Variants in SLA2 observed in about 807,000 individuals in gnomAD.
SLA2 encodes Src like adaptor 2, also known as src-like-adapter 2.
SLA2 carries 22 observed loss-of-function variants against 27.3 expected under a neutral mutation model. That is an observed-to-expected ratio of 0.81 (90% CI 0.58 to 1.15). The LOEUF is 1.15. Among genes scored for constraint, SLA2 ranks in the 50% most tolerant of loss-of-function variants. The pLI, the probability that SLA2 is intolerant of heterozygous loss-of-function variation, is 0.00. For missense variants in SLA2, 304 were observed against 322.2 expected, an observed-to-expected ratio of 0.94 and a Z score of 0.43; for synonymous variants, 131 against 137.8, an observed-to-expected ratio of 0.95 and a Z score of 0.34.
chr20:36,614,920 T>C, intron 6 of SLA2: 1 of 985,382 alleles, frequency 1.0e-6, no homozygotes, highest in Non-Finnish European at 1.2e-6. Context: ...CAGCAGCAGC[T>C]CTGTGCCCGG....
In SLA2 at chr20:36,615,371, G is replaced by A. The variant is rs1402572445; in HGVS notation, c.386C>T (p.Ser129Phe). The A allele has an allele frequency of 2.5e-6, 4 of 1,613,604 alleles. No individual in the cohort carries two copies. Among genetic ancestry groups the A allele is most frequent in the East Asian group, 2.2e-5 (1 of 44,892 alleles). ...GCTGAGGCGGACTGACAGAGAGTAA[G>A]AGCCTGAGGAGAAAGGGGTCCAGGG... The part of the protein sequence containing the change: ...LIRESQTRRG[S>F]YSLSVRLSRP... Residue 129 changes from serine (S) to phenylalanine (F), a missense_variant, in exon 6 of 8, where the codon TCT becomes TTT. Transcript: ENST00000262866.
intron 5 of SLA2, among the ~76,000 whole-genome samples, chr20:36,629,110 C>G (rs1418728759): frequency 6.6e-6 from 1 of 150,458 alleles, no homozygotes; most frequent in African/African-American, 2.5e-5. Context: ...GTCACCCAGG[C>G]TGGAGTGCAG....
intron 5 of SLA2, among the ~76,000 whole-genome samples, chr20:36,625,388 A>G (rs771967207): frequency 2.0e-5 from 3 of 151,870 alleles, no homozygotes; most frequent in Non-Finnish European, 4.4e-5. Context: ...ATGCCTGTCT[A>G]ATTTTTTTGT....
intron 2 of SLA2, among the ~76,000 whole-genome samples, chr20:36,640,505 C>CT (rs1162794643): frequency 2.2e-3 from 291 of 133,242 alleles, no homozygotes; most frequent in South Asian, 0.014. Flanking sequence ...GATGAAAGAC[C>CT]TTTTTTTTTT....
At chr20:36,616,571 G>A (rs990513201) in intron 5 of SLA2, among the ~76,000 whole-genome samples, 2 of 152,032 alleles carry the variant, frequency 1.3e-5, no homozygotes, top group Non-Finnish European at 2.9e-5. Context: ...TTGACCTCGT[G>A]ATCCGCCTGC....
At chr20:36,619,680 G>A in intron 5 of SLA2, among the ~76,000 whole-genome samples, 1 of 150,266 alleles carries the variant, frequency 6.7e-6, no homozygotes, top group Middle Eastern at 3.2e-3. Context: ...ACCCAGGCTG[G>A]AGTGCAGTGG....
chr20:36,630,721 C>T (rs1284412778), intron 5 of SLA2, among the ~76,000 whole-genome samples: 1 of 152,206 alleles, frequency 6.6e-6, no homozygotes, highest in Non-Finnish European at 1.5e-5. Flanking sequence ...GCTGCTGCTC[C>T]TTCAACATCC....
intron 6 of SLA2, chr20:36,614,787 GTT>G (rs1234973570): frequency 1.0e-6 from 1 of 985,306 alleles, no homozygotes; most frequent in African/African-American, 1.7e-5. Flanking sequence ...CCCCTAATGA[GTT>G]TTCACAAGAG....
intron 5 of SLA2, chr20:36,621,415 AG>A (rs2039280934): frequency 1.8e-6 from 1 of 548,912 alleles, no homozygotes; most frequent in African/African-American, 1.9e-5. Flanking sequence ...TAGTAGCAGA[AG>A]GTTCTAAAAA....
In SLA2 at chr20:36,633,454, T is replaced by C; in HGVS notation, c.278+89A>G. The C allele has an allele frequency of 3.5e-6, 4 of 1,127,870 alleles. No homozygotes were observed. In the East Asian group the frequency reaches 7.1e-5, roughly 20 times the overall value. 69.9% of individuals were successfully genotyped at this position (1,127,870 alleles called of 1,614,324 possible). Reference sequence around the variant, plus strand: ...TTCGATTCTCCCCCATCCCCAGCTTTGCTCAGCGCAGAGCCGTGCACAAAG... The same window carrying C: ...TTCGATTCTCCCCCATCCCCAGCTTCGCTCAGCGCAGAGCCGTGCACAAAG... On this transcript the variant is annotated intron_variant, in intron 4 of 7. Coordinates refer to ENST00000262866, the MANE Select transcript of SLA2 (RefSeq NM_032214.4).
intron 2 of SLA2, among the ~76,000 whole-genome samples, chr20:36,639,697 CAA>C (rs74173988): frequency 1.5e-5 from 2 of 136,882 alleles, no homozygotes; most frequent in Admixed American, 7.3e-5. Flanking sequence ...ACTAAAAATA[CAA>C]AAAAAAAAAA....
chr20:36,645,607 G>A (rs1363266163), intron 1 of SLA2, among the ~76,000 whole-genome samples: 1 of 152,184 alleles, frequency 6.6e-6, no homozygotes, highest in African/African-American at 2.4e-5. Context: ...CAAGCTGCAC[G>A]GAAGAGCGTA....
rs567304838 is a variant in SLA2 at position 36,632,826 on chromosome 20, C to T, written c.279-128G>A. On this transcript the variant is annotated intron_variant, in intron 4 of 7. Coordinates refer to ENST00000262866, the MANE Select transcript of SLA2 (RefSeq NM_032214.4). ...TCTCTGGGCCTCAGAGTTCTATCTGCTCCACGAAGAGCTGGGCTCAGGGTC... is the reference window on the plus strand; with the variant it reads ...TCTCTGGGCCTCAGAGTTCTATCTGTTCCACGAAGAGCTGGGCTCAGGGTC... 64 of 704,236 alleles carry T rather than the reference C, an allele frequency of 9.1e-5. No individual in the cohort carries two copies. The African/African-American group carries it at 1.0e-3, about 11-fold the overall frequency. The allele number at this position is 704,236 out of a possible 1,614,324, so 43.6% of individuals were successfully genotyped here. A position where few individuals can be genotyped will look rare whatever the true frequency, so the allele number is the denominator to read the frequency against.
intron 5 of SLA2, among the ~76,000 whole-genome samples, chr20:36,617,643 G>A (rs897260224): frequency 6.6e-6 from 1 of 151,908 alleles, no homozygotes; most frequent in African/African-American, 2.4e-5. Flanking sequence ...GGATCACAAG[G>A]TCAGGAGATC....
chr20:36,615,510 A>G (rs2039199623), intron 5 of SLA2, 136 bp from the exon 6 acceptor site: 2 of 894,110 alleles, frequency 2.2e-6, no homozygotes, highest in Non-Finnish European at 3.4e-6. Context: ...AGCAGGACAA[A>G]GACTTGCTCT....
chr20:36,616,652 G>C (rs544000477), intron 5 of SLA2, among the ~76,000 whole-genome samples: 1 of 151,526 alleles, frequency 6.6e-6, no homozygotes, highest in South Asian at 2.1e-4. Flanking sequence ...TTTATTTTTA[G>C]AGCCATGCTC....
intron 2 of SLA2, among the ~76,000 whole-genome samples, chr20:36,636,172 C>T (rs11908358): frequency 0.01 from 1,517 of 148,804 alleles, 49 homozygotes; most frequent in African/African-American, 0.037. Flanking sequence ...AATCCCAGCA[C>T]TTTGGGAGGC....
At chr20:36,629,951 A>AT (rs1264029060) in intron 5 of SLA2, among the ~76,000 whole-genome samples, 1 of 151,748 alleles carries the variant, frequency 6.6e-6, no homozygotes, top group Admixed American at 6.6e-5. Context: ...AAAAAAAAAA[A>AT]GTCTCCATAC....
chr20:36,613,890 C>T lies in SLA2; in HGVS notation c.762G>A (p.Glu254=). 6.2e-7 allele frequency: 1 copy of T among 1,613,968 alleles called. No individual in the cohort carries two copies. The highest frequency in any genetic ancestry group is 8.5e-7 in the Non-Finnish European group (1 of 1,179,950). ...SLSFYISLND[E]AVSLDDA The stretch of plus-strand genomic sequence containing the variant: ...CCTAGGCATCATCCAAAGAGACAGC[C>T]TCGTCATTCAGGCTGATGTAGAAGC... The change falls in exon 8 of 8, where the codon GAG becomes GAA. Residue 254 remains glutamate (E), a synonymous_variant. Coordinates refer to ENST00000262866, the MANE Select transcript of SLA2 (RefSeq NM_032214.4).
Sources: allele counts gnomAD v4.1 joint callset (sites outside exome capture counted in the v4.1 genomes callset), GRCh38; gene constraint gnomAD v4.1.1; transcripts MANE v1.5; gene names NCBI Gene and HGNC (gene_info 2026-07-23, HGNC 2026-07-21).